EYS: variants seen among roughly 807,000 people sequenced by gnomAD.
EYS encodes EGF-like photoreceptor maintenance factor.
Under a neutral mutation model 282.1 loss-of-function variants are expected in EYS, and 250 were observed. The ratio of observed to expected loss-of-function variants is 0.89; its 90% CI spans 0.80 to 0.98. EYS has a LOEUF of 0.98. Ranked by LOEUF, EYS falls within the 50% of genes least tolerant of loss-of-function variation. The probability of loss-of-function intolerance (pLI) is 0.00; values close to 1 mark genes in which losing one functional copy is unlikely to be tolerated. For missense variants in EYS, 4,016 were observed against 3,709.0 expected (o/e 1.08, Z -2.15); for synonymous variants, 1,355 against 1,282.9 (o/e 1.06, Z -1.20).
chr6:64,735,349 C>T (rs1456127886), intron 22 of EYS, among the ~76,000 whole-genome samples: 1 of 152,176 alleles, frequency 6.6e-6, no homozygotes, highest in African/African-American at 2.4e-5. Context: ...TCCAAGAGTG[C>T]TGGGATTACA....
At chr6:64,174,918 A>G (rs1266067101) in intron 31 of EYS, among the ~76,000 whole-genome samples, 1 of 152,100 alleles carries the variant, frequency 6.6e-6, no homozygotes, top group Non-Finnish European at 1.5e-5. Context: ...GTTGGATTTC[A>G]AGAGTTTTTT....
At chr6:64,419,339 T>C (rs1774154574) in intron 28 of EYS, among the ~76,000 whole-genome samples, 1 of 152,166 alleles carries the variant, frequency 6.6e-6, no homozygotes, top group South Asian at 2.1e-4. Context: ...CAATTTAAGA[T>C]GAGATTTGGG....
chr6:64,101,083 G>T (rs60384703), intron 31 of EYS, among the ~76,000 whole-genome samples: 4,349 of 152,142 alleles, frequency 0.029, 223 homozygotes, highest in African/African-American at 0.098. Context: ...TTTAAAAACG[G>T]ATTCCTCTCA....
intron 1 of EYS, among the ~76,000 whole-genome samples, chr6:65,678,816 C>CAAA (rs34345454): frequency 3.5e-5 from 5 of 144,526 alleles, no homozygotes; most frequent in African/African-American, 1.3e-4. Context: ...TATACATCTC[C>CAAA]AAAAAAAAAA....
Position 64,591,320 on chromosome 6 carries a change from A to T in EYS, c.4547T>A (p.Phe1516Tyr). The T allele has an allele frequency of 6.4e-7, 1 of 1,551,374 alleles. No individual in the cohort carries two copies. Residue 1516 changes from phenylalanine to tyrosine, a missense_variant, in exon 26 of 43, where the codon TTC becomes TAC. By Grantham distance (22) the Phe-to-Tyr change is conservative. Transcript: ENST00000503581. ...TILNSSALHR[F>Y]STKAFNPSEY... ...ACTGGGATTGAAGGCTTTTGTACTG[A>T]ACCGGTGCAGAGCTGATGAGTTTAA...
chr6:63,821,350 C>A (rs921306245), intron 36 of EYS: 1 of 152,116 alleles, frequency 6.6e-6, no homozygotes, highest in African/African-American at 2.4e-5. Context: ...AGACTGAAAA[C>A]CAGCTGGTGA....
chr6:64,081,318 A>T (rs1406496379), intron 32 of EYS, among the ~76,000 whole-genome samples: 1 of 152,212 alleles, frequency 6.6e-6, no homozygotes, highest in Non-Finnish European at 1.5e-5. Flanking sequence ...CTGCTTATAG[A>T]GACCTTTATG....
At chr6:64,083,017 A>G (rs1406321984) in intron 31 of EYS, among the ~76,000 whole-genome samples, 2 of 151,706 alleles carry the variant, frequency 1.3e-5, no homozygotes, top group Non-Finnish European at 2.9e-5. Context: ...CAGGTCATCC[A>G]TCTGCCTCAG....
At chr6:63,786,923 T>C (rs1320582442) in intron 39 of EYS, among the ~76,000 whole-genome samples, 2 of 152,160 alleles carry the variant, frequency 1.3e-5, no homozygotes, top group Non-Finnish European at 1.5e-5. Flanking sequence ...TTGGTTGTCC[T>C]GGTAAGTTGG....
chr6:65,336,867 C>T (rs746412098), intron 10 of EYS, among the ~76,000 whole-genome samples: 37 of 151,404 alleles, frequency 2.4e-4, no homozygotes, highest in Non-Finnish European at 4.6e-4. Context: ...GAGAAATGCA[C>T]TTCTTATGGA....
chr6:65,287,517 T>A (rs1768399450), intron 12 of EYS, among the ~76,000 whole-genome samples: 1 of 151,474 alleles, frequency 6.6e-6, no homozygotes, highest in African/African-American at 2.4e-5. Flanking sequence ...CATAACCTTT[T>A]CCTTCCTGAA....
At chr6:65,327,436 ATGTTATT>A (rs1769655911) in intron 11 of EYS, among the ~76,000 whole-genome samples, 1 of 150,646 alleles carries the variant, frequency 6.6e-6, no homozygotes, top group Non-Finnish European at 1.5e-5. Context: ...GTGGTTTGTG[ATGTTATT>A]TATTTCTTAT....
Position 64,151,359 on chromosome 6 carries a change from AT to A in EYS, c.6425-69358del, listed in dbSNP as rs1774724894. 6.8e-5 allele frequency among the ~76,000 whole-genome samples: 6 copies of A among 88,876 alleles called. No individual in the cohort carries two copies. The East Asian group carries it at 1.2e-3, about 18-fold the overall frequency. 58.3% of individuals were successfully genotyped at this position (88,876 alleles called of 152,430 possible). A position where few individuals can be genotyped will look rare whatever the true frequency, so the allele number is the denominator to read the frequency against. ...TATATATATATATATATATATATAT[AT>A]ATAATTTTTTTTTTCTTTTGAGATG... is the stretch of plus-strand genomic sequence containing the variant. On this transcript the variant is annotated intron_variant, in intron 31 of 42. Transcript: ENST00000503581.
intron 22 of EYS, among the ~76,000 whole-genome samples, chr6:64,723,650 T>C (rs1771658847): frequency 6.6e-6 from 1 of 152,216 alleles, no homozygotes; most frequent in South Asian, 2.1e-4. Context: ...GCATTTTCTA[T>C]AAATCAATAT....
intron 31 of EYS, among the ~76,000 whole-genome samples, chr6:64,159,559 T>TAAAAAAAAAA (rs35139594): frequency 1.7e-5 from 1 of 59,938 alleles, no homozygotes; most frequent in African/African-American, 6.1e-5. Context: ...GACTCTGTCT[T>TAAAAAAAAAA]AAAAAAAAAA....
intron 26 of EYS, among the ~76,000 whole-genome samples, chr6:64,501,387 T>C (rs889226962): frequency 6.6e-6 from 1 of 152,074 alleles, no homozygotes; most frequent in Non-Finnish European, 1.5e-5. Context: ...ACAAAAAACG[T>C]TATGGCTTCT....
At chr6:65,445,248 G>C (rs1403456583) in intron 5 of EYS, among the ~76,000 whole-genome samples, 1 of 151,758 alleles carries the variant, frequency 6.6e-6, no homozygotes, top group African/African-American at 2.4e-5. Flanking sequence ...TTTTGTACTA[G>C]GTGGAAAATG....
intron 2 of EYS, among the ~76,000 whole-genome samples, chr6:65,628,022 G>A (rs1431712659): frequency 1.3e-5 from 2 of 152,242 alleles, no homozygotes; most frequent in African/African-American, 4.8e-5. Flanking sequence ...TGGTGGGGAG[G>A]TGGAGAGTCT....
intron 29 of EYS, among the ~76,000 whole-genome samples, chr6:64,322,738 A>C (rs373998971): frequency 7.2e-5 from 11 of 152,216 alleles, no homozygotes; most frequent in African/African-American, 2.6e-4. Context: ...TAAAGTTTTC[A>C]GGTCAGCAAG....
Sources: gnomAD v4.1 joint callset for allele counts (sites outside exome capture counted in the v4.1 genomes callset) on GRCh38, gnomAD v4.1.1 for gene constraint, MANE v1.5 for transcripts, NCBI Gene and HGNC (gene_info 2026-07-23, HGNC 2026-07-21) for gene names.